The following PTPRQ variants were observed in gnomAD, a reference collection of about 807,000 sequenced individuals.
The protein encoded by PTPRQ is protein tyrosine phosphatase receptor type Q.
Under a neutral mutation model 246.0 loss-of-function variants are expected in PTPRQ, and 199 were observed. That is an observed-to-expected ratio of 0.81 (90% CI 0.72 to 0.91). The LOEUF (loss-of-function observed/expected upper bound fraction) is 0.91. PTPRQ is among the 40% of genes least tolerant of loss of function. The pLI is 0.00. For synonymous variants in PTPRQ, 869 were observed against 853.2 expected (o/e 1.02, Z -0.32); for missense variants, 2,624 against 2,528.4 (o/e 1.04, Z -0.81).
At chr12:80,488,446 G>T (rs557604721) in intron 9 of PTPRQ, among the ~76,000 whole-genome samples, 6 of 151,978 alleles carry the variant, frequency 3.9e-5, no homozygotes, top group Non-Finnish European at 7.4e-5. Flanking sequence ...GATGACGAAG[G>T]TATATATGTG....
intron 43 of PTPRQ, 98 bp downstream of exon 43, chr12:80,673,402 T>G: frequency 6.8e-7 from 1 of 1,462,142 alleles, no homozygotes; most frequent in South Asian, 1.4e-5. Flanking sequence ...CTTGAAGCTG[T>G]GGACACCTTC....
intron 23 of PTPRQ, among the ~76,000 whole-genome samples, chr12:80,545,256 G>A (rs1896269961): frequency 6.6e-6 from 1 of 151,962 alleles, no homozygotes; most frequent in African/African-American, 2.4e-5. Flanking sequence ...ATTATCTAAT[G>A]GCATGTTTTG....
Position 80,476,408 on chromosome 12 carries a change from C to G in PTPRQ, c.1186+4157C>G, listed in dbSNP as rs368276480. On this transcript the variant is annotated intron_variant, in intron 8 of 44. Transcript: ENST00000644991. Reference sequence around the variant, plus strand: ...TCTGTCTTATTCCTTCCTCTGTCCTCAAGTGCCTAGAACAGTGATCATATG... The same window carrying G: ...TCTGTCTTATTCCTTCCTCTGTCCTGAAGTGCCTAGAACAGTGATCATATG... 2.8e-4 allele frequency among the ~76,000 whole-genome samples: 42 copies of G among 152,218 alleles called. No homozygotes were observed. In the East Asian group the frequency reaches 5.8e-3, roughly 21 times the overall value.
chr12:80,585,816 C>G (rs967747791), intron 25 of PTPRQ, among the ~76,000 whole-genome samples: 36 of 150,828 alleles, frequency 2.4e-4, no homozygotes, highest in African/African-American at 8.5e-4. Flanking sequence ...ATGTGCCATG[C>G]TGGTGCGCTG....
intron 43 of PTPRQ, among the ~76,000 whole-genome samples, chr12:80,675,384 C>G (rs772152790): frequency 3.3e-5 from 5 of 152,184 alleles, no homozygotes; most frequent in Non-Finnish European, 7.4e-5. Flanking sequence ...GTTCTAATAT[C>G]AATCCAACTA....
At chr12:80,575,268 T>C (rs1160931943) in intron 25 of PTPRQ, among the ~76,000 whole-genome samples, 1 of 152,198 alleles carries the variant, frequency 6.6e-6, no homozygotes, top group East Asian at 1.9e-4. Flanking sequence ...TGGCTTTAAA[T>C]TGATTATTAG....
chr12:80,551,300 C>T (rs946245103), intron 25 of PTPRQ, among the ~76,000 whole-genome samples: 2 of 152,120 alleles, frequency 1.3e-5, no homozygotes, highest in Non-Finnish European at 2.9e-5. Flanking sequence ...ATTCCTTACT[C>T]CATCTCTTCT....
At chr12:80,667,966 A>C (rs1900838761) in intron 39 of PTPRQ, among the ~76,000 whole-genome samples, 1 of 151,858 alleles carries the variant, frequency 6.6e-6, no homozygotes, top group Non-Finnish European at 1.5e-5. Context: ...AAATCACCTA[A>C]AGTGCCTCCT....
intron 17 of PTPRQ, among the ~76,000 whole-genome samples, chr12:80,522,390 C>T (rs61951987): frequency 0.045 from 6,818 of 152,178 alleles, 173 homozygotes; most frequent in Middle Eastern, 0.088. Context: ...CCAGAACTTC[C>T]AACACTATGT....
chr12:80,592,542 A>G (rs1006458794), intron 26 of PTPRQ, among the ~76,000 whole-genome samples: 9 of 152,202 alleles, frequency 5.9e-5, no homozygotes, highest in African/African-American at 2.2e-4. Context: ...AGAAATTATA[A>G]CAGTTAAGTA....
chr12:80,567,501 A>T (rs1275860314), intron 25 of PTPRQ, among the ~76,000 whole-genome samples: 1 of 152,102 alleles, frequency 6.6e-6, no homozygotes, highest in Non-Finnish European at 1.5e-5. Context: ...TCCCTTTTAC[A>T]CCCATTCTTG....
intron 3 of PTPRQ, among the ~76,000 whole-genome samples, chr12:80,455,286 GTTAA>G (rs985593336): frequency 2.0e-5 from 3 of 152,026 alleles, no homozygotes; most frequent in Non-Finnish European, 4.4e-5. Flanking sequence ...GATAACTTTG[GTTAA>G]TTATTTAAAA....
At chr12:80,479,411 A>G (rs1411518992) in intron 8 of PTPRQ, among the ~76,000 whole-genome samples, 21 of 151,986 alleles carry the variant, frequency 1.4e-4, no homozygotes, top group African/African-American at 5.1e-4. Flanking sequence ...GGTACCAGCC[A>G]CTGCAAAATC....
intron 35 of PTPRQ, among the ~76,000 whole-genome samples, chr12:80,636,684 C>A (rs1899665327): frequency 6.6e-6 from 1 of 151,978 alleles, no homozygotes; most frequent in African/African-American, 2.4e-5. Flanking sequence ...TAAGACCGAC[C>A]CCCTCCCCAA....
intron 35 of PTPRQ, among the ~76,000 whole-genome samples, chr12:80,647,662 C>T (rs1900119997): frequency 2.0e-5 from 3 of 152,128 alleles, no homozygotes; most frequent in African/African-American, 7.2e-5. Flanking sequence ...AGATTCTTCT[C>T]ATTTGGTAGC....
chr12:80,643,404 C>T (rs1565837522), intron 35 of PTPRQ, among the ~76,000 whole-genome samples: 1 of 151,000 alleles, frequency 6.6e-6, no homozygotes. Flanking sequence ...CACCATTGCA[C>T]TCCAGCCTGG....
chr12:80,472,002 A>G (rs1893653485), intron 7 of PTPRQ, 103 bp from the exon 8 acceptor site: 2 of 1,407,700 alleles, frequency 1.4e-6, no homozygotes, highest in East Asian at 2.5e-5. Context: ...ATTTTAGTGC[A>G]TAGGTTAACA....
At chr12:80,629,171 C>CAG (rs988978153) in intron 33 of PTPRQ, among the ~76,000 whole-genome samples, 1 of 151,108 alleles carries the variant, frequency 6.6e-6, no homozygotes, top group African/African-American at 2.4e-5. Flanking sequence ...CACACACACA[C>CAG]ACAGAGAGAG....
At chr12:80,450,305 C>A (rs1422499645) in intron 3 of PTPRQ, among the ~76,000 whole-genome samples, 7 of 152,170 alleles carry the variant, frequency 4.6e-5, no homozygotes, top group African/African-American at 1.7e-4. Context: ...TCTAGATATA[C>A]AATCATGTCA....
Sources: allele counts gnomAD v4.1 joint callset (sites outside exome capture counted in the v4.1 genomes callset), GRCh38; gene constraint gnomAD v4.1.1; transcripts MANE v1.5; gene names NCBI Gene and HGNC (gene_info 2026-07-23, HGNC 2026-07-21).